The following B4GALNT3 variants were observed in gnomAD, a reference collection of about 807,000 sequenced individuals.
The protein encoded by B4GALNT3 is beta-1,4-N-acetylgalactosaminyltransferase 3.
B4GALNT3 carries 86 observed loss-of-function variants against 120.2 expected under a neutral mutation model. The observed-to-expected ratio is 0.72, with a 90% CI of 0.60 to 0.86. The LOEUF (loss-of-function observed/expected upper bound fraction) is 0.86, where lower values mean the gene tolerates loss of function less well. B4GALNT3 is among the 40% of genes least tolerant of loss of function. The probability of loss-of-function intolerance (pLI) is 0.00; values close to 1 mark genes in which losing one functional copy is unlikely to be tolerated. For synonymous variants in B4GALNT3, 518 were observed against 510.4 expected, an observed-to-expected ratio of 1.01 and a Z score of -0.20; for missense variants, 1,167 against 1,298.9, an observed-to-expected ratio of 0.90 and a Z score of 1.56.
rs1947114425 is a variant in B4GALNT3 at position 553,955 on chromosome 12, T to C, written c.2032T>C (p.Leu678=). ...AGCTCTGGAGGTCACGCGAGTCTTCTTGAAGAAGCTCAACCAGAGGAGCCG... is the reference window on the plus strand; with the variant it reads ...AGCTCTGGAGGTCACGCGAGTCTTCCTGAAGAAGCTCAACCAGAGGAGCCG... The part of the protein sequence containing the change: ...QEALEVTRVF[L]KKLNQRSRGR... Residue 678 remains leucine, a synonymous_variant, in exon 14 of 20, where the codon TTG becomes CTG. Transcript: ENST00000266383. 5.0e-6 allele frequency: 8 copies of C among 1,613,530 alleles called. No individual in the cohort carries two copies. The highest frequency in any genetic ancestry group is 6.8e-6 in the Non-Finnish European group (8 of 1,179,828).
chr12:466,338 G>A lies in B4GALNT3; in HGVS notation c.169+5793G>A, dbSNP rs184635605. ...CGACATAGCAGAGTTTGCTTTGGAA[G>A]GGGTCCTAGAGGCTGTTCTTGGAGT... is the stretch of plus-strand genomic sequence containing the variant. On this transcript the variant is annotated intron_variant, in intron 1 of 19. Transcript: ENST00000266383. Among the ~76,000 whole-genome samples, 34 of 152,306 alleles carry A rather than the reference G, an allele frequency of 2.2e-4. No homozygotes were observed. In the East Asian group the frequency reaches 6.2e-3, roughly 28 times the overall value.
At chr12:497,679 G>C (rs1207687980) in intron 1 of B4GALNT3, among the ~76,000 whole-genome samples, 1 of 152,138 alleles carries the variant, frequency 6.6e-6, no homozygotes, top group Non-Finnish European at 1.5e-5. Flanking sequence ...ACTTTCTGGA[G>C]AACCGGCTTT....
chr12:558,419 G>A, intron 17 of B4GALNT3, 89 bp from the exon 18 acceptor site: 1 of 1,276,520 alleles, frequency 7.8e-7, no homozygotes, highest in South Asian at 1.3e-5. Context: ...ACTCCAATAG[G>A]GAAGACTCCG....
rs542470010 is a variant in B4GALNT3 at position 460,839 on chromosome 12, C to G, written c.169+294C>G. 6.6e-6 allele frequency among the ~76,000 whole-genome samples: 1 copy of G among 151,910 alleles called. No individual in the cohort carries two copies. Among genetic ancestry groups the G allele is most frequent in the African/African-American group, 2.4e-5 (1 of 41,404 alleles). ...GCGACCCGGAGAGAGGCTCCCCGCC[C>G]GTCCCGCCGAGACGCTGGCGGAGAC... is the stretch of plus-strand genomic sequence containing the variant. On this transcript the variant is annotated intron_variant, in intron 1 of 19. Transcript: ENST00000266383. The surrounding 1 kb of genome is among the most constrained non-coding windows in gnomAD (Gnocchi z 8.0).
intron 6 of B4GALNT3, 60 bp from the exon 7 acceptor site, chr12:546,586 G>A: frequency 3.4e-6 from 5 of 1,460,430 alleles, no homozygotes; most frequent in Admixed American, 2.0e-5. Flanking sequence ...CGCACTCACC[G>A]CCTCGCGTGC....
Position 558,505 on chromosome 12 carries a change from C to T in B4GALNT3, c.2608-3C>T, listed in dbSNP as rs1947186973. ...TGCTGACCCTGCCCACATCTGTCCC[C>T]AGGACCCGCACAGCATCATCTTCCT... On this transcript the variant is annotated splice_polypyrimidine_tract_variant and splice_region_variant and intron_variant, in intron 17 of 19. Coordinates refer to ENST00000266383, the MANE Select transcript of B4GALNT3 (RefSeq NM_173593.4). 5.0e-6 allele frequency: 8 copies of T among 1,613,850 alleles called. No homozygotes were observed. The highest frequency in any genetic ancestry group is 6.8e-6 in the Non-Finnish European group (8 of 1,179,848).
chr12:522,530 C>A (rs574826501), intron 1 of B4GALNT3, among the ~76,000 whole-genome samples: 2 of 152,156 alleles, frequency 1.3e-5, no homozygotes, highest in South Asian at 4.2e-4. Flanking sequence ...AGTGGCAGTT[C>A]GTGTTTAATG....
chr12:554,809 A>T (rs993727976), intron 14 of B4GALNT3, among the ~76,000 whole-genome samples: 25 of 149,678 alleles, frequency 1.7e-4, no homozygotes, highest in African/African-American at 5.9e-4. Context: ...AAAAAAAAAA[A>T]AAAAAAAAGT....
At chr12:515,486 C>T (rs556733194) in intron 1 of B4GALNT3, among the ~76,000 whole-genome samples, 20 of 152,178 alleles carry the variant, frequency 1.3e-4, no homozygotes, top group Middle Eastern at 6.8e-3. Flanking sequence ...CGTGAGCCAC[C>T]GCACCCAGCC....
chr12:540,387 A>T (rs1388437672), intron 3 of B4GALNT3: 1 of 152,220 alleles, frequency 6.6e-6, no homozygotes, highest in East Asian at 1.9e-4. Flanking sequence ...TTGTTCATTT[A>T]AATAATTAGG....
At chr12:470,082 C>A (rs1946120986) in intron 1 of B4GALNT3, among the ~76,000 whole-genome samples, 2 of 152,206 alleles carry the variant, frequency 1.3e-5, no homozygotes, top group Admixed American at 1.3e-4. Context: ...GTTCCATAAT[C>A]TTTGGAGTGA....
In B4GALNT3 at chr12:556,729, G is replaced by A. The variant is rs534141372; in HGVS notation, c.2243G>A (p.Arg748Gln). 64 of 1,613,798 alleles carry A rather than the reference G, an allele frequency of 4.0e-5. No individual in the cohort carries two copies. The highest frequency in any genetic ancestry group is 4.0e-4 in the South Asian group (36 of 91,076). Reference protein sequence around the residue: ...DPAGGEEVEARNLQGLVWDPH... With the variant: ...DPAGGEEVEAQNLQGLVWDPH... ...GCTGGTGGGGAGGAGGTCGAGGCCC[G>A]GAACCTGCAAGGCCTGGTCTGGGAC... Residue 748 changes from arginine to glutamine, a missense_variant, in exon 15 of 20, where the codon CGG becomes CAG. Physicochemically the swap from Arg to Gln is conservative, Grantham distance 43. Around this residue, in one of 3 missense-constraint regions of B4GALNT3, gnomAD observed 983 missense variants for 1,102.5 expected, o/e 0.89. Transcript: ENST00000266383.
At chr12:557,357 C>T (rs963149999) in intron 15 of B4GALNT3, among the ~76,000 whole-genome samples, 1 of 152,158 alleles carries the variant, frequency 6.6e-6, no homozygotes, top group Non-Finnish European at 1.5e-5. Flanking sequence ...CAGCCAAGGC[C>T]TTCTCGTGGG....
chr12:541,867 C>T (rs1266006067), intron 3 of B4GALNT3, among the ~76,000 whole-genome samples: 12 of 136,058 alleles, frequency 8.8e-5, no homozygotes, highest in African/African-American at 2.4e-4. Context: ...CCCCACCCCC[C>T]GGCCTCTGGC....
intron 1 of B4GALNT3, among the ~76,000 whole-genome samples, chr12:520,582 G>T (rs1946699100): frequency 6.6e-6 from 1 of 152,268 alleles, no homozygotes; most frequent in East Asian, 1.9e-4. Context: ...CATCATAACG[G>T]CCGATGTCTC....
At chr12:521,359 C>G (rs879706135) in intron 1 of B4GALNT3, among the ~76,000 whole-genome samples, 10 of 152,194 alleles carry the variant, frequency 6.6e-5, no homozygotes, top group Non-Finnish European at 8.8e-5. Context: ...CAGAGACACA[C>G]TGAGGTGTCT....
intron 3 of B4GALNT3, among the ~76,000 whole-genome samples, chr12:542,775 G>A (rs1946933789): frequency 6.6e-6 from 1 of 152,238 alleles, no homozygotes; most frequent in Non-Finnish European, 1.5e-5. Context: ...CCCCGAGGCT[G>A]TCCCAGGAGC....
At chr12:470,206 C>T (rs1010371907) in intron 1 of B4GALNT3, among the ~76,000 whole-genome samples, 11 of 152,202 alleles carry the variant, frequency 7.2e-5, no homozygotes, top group Non-Finnish European at 1.3e-4. Context: ...GGCTCAGTCG[C>T]CTGAACCGAG....
At chr12:498,730 G>A (rs1350934951) in intron 1 of B4GALNT3, among the ~76,000 whole-genome samples, 1 of 152,208 alleles carries the variant, frequency 6.6e-6, no homozygotes, top group Non-Finnish European at 1.5e-5. Flanking sequence ...CTTTGATAAA[G>A]CAGCGTTTAT....
Sources: gnomAD v4.1 joint callset for allele counts (sites outside exome capture counted in the v4.1 genomes callset) on GRCh38, gnomAD v4.1.1 for gene constraint, gnomAD v4.1.1 regional missense constraint, Gnocchi (gnomAD v3.1) non-coding constraint, MANE v1.5 for transcripts, NCBI Gene and HGNC (gene_info 2026-07-23, HGNC 2026-07-21) for gene names.